ZNF79: variants seen among roughly 807,000 people sequenced by gnomAD.
ZNF79 encodes ZNFpT7.
Under a neutral mutation model 14.9 loss-of-function variants are expected in ZNF79, and 13 were observed. The ratio of observed to expected loss-of-function variants is 0.87; its 90% CI spans 0.57 to 1.38. The LOEUF is 1.38. Ranked by LOEUF, ZNF79 falls within the 40% of genes most tolerant of loss-of-function variation. The pLI, the probability that ZNF79 is intolerant of heterozygous loss-of-function variation, is 0.00. For missense variants in ZNF79, 631 were observed against 630.6 expected (o/e 1.00, Z -0.01); for synonymous variants, 223 against 235.1 (o/e 0.95, Z 0.47).
rs765083551 is a variant in ZNF79 at position 127,444,571 on chromosome 9, G to C, written c.871G>C (p.Ala291Pro). 1.2e-6 allele frequency: 2 copies of C among 1,613,584 alleles called. No individual in the cohort carries two copies. Among genetic ancestry groups the C allele is most frequent in the Non-Finnish European group, 1.7e-6 (2 of 1,179,902 alleles). Reference sequence around the variant, plus strand: ...TGAGAAAGCCTTCAGTGACTGCTCAGCTCTTGTTCAGCATCAGAGAATTCA... The same window carrying C: ...TGAGAAAGCCTTCAGTGACTGCTCACCTCTTGTTCAGCATCAGAGAATTCA... ...ECEKAFSDCS[A>P]LVQHQRIHTG... is the part of the protein sequence containing the mutation. The change falls in exon 5 of 5, where the codon GCT (alanine) becomes CCT (proline). Residue 291 changes from alanine (A) to proline (P), a missense_variant. Transcript: ENST00000342483.
chr9:127,434,584 G>GGT (rs989076928), intron 2 of ZNF79, among the ~76,000 whole-genome samples: 6 of 151,710 alleles, frequency 4.0e-5, no homozygotes, highest in Non-Finnish European at 5.9e-5. Flanking sequence ...AAGAGACAGT[G>GGT]GTGTGTGTGT....
chr9:127,434,332 G>A (rs1293584976), intron 2 of ZNF79, among the ~76,000 whole-genome samples: 1 of 152,076 alleles, frequency 6.6e-6, no homozygotes, highest in East Asian at 1.9e-4. Flanking sequence ...TGGCTCTCCT[G>A]CTGTACTGGG....
At position 127,445,053 on chromosome 9, in the gene ZNF79, T is replaced by G; in HGVS notation, c.1353T>G (p.Gly451=). The G allele has an allele frequency of 6.2e-7, 1 of 1,612,568 alleles. No individual in the cohort carries two copies. The highest frequency in any genetic ancestry group is 8.5e-7 in the Non-Finnish European group (1 of 1,179,668). The change falls in exon 5 of 5, where the codon GGT becomes GGG. Residue 451 remains glycine (G), a synonymous_variant. Transcript: ENST00000342483. Reference sequence around the variant, plus strand: ...AACCTTATGAGTGTAATGAGTGTGGTAAAGCGTTTAACCAGAGCTCATCCC... The same window carrying G: ...AACCTTATGAGTGTAATGAGTGTGGGAAAGCGTTTAACCAGAGCTCATCCC... ...GEKPYECNEC[G]KAFNQSSSLS... is the part of the protein sequence containing the mutation.
intron 1 of ZNF79, 105 bp downstream of exon 1, chr9:127,424,908 C>T: frequency 6.4e-7 from 1 of 1,569,664 alleles, no homozygotes. Flanking sequence ...ATCTCTCCTA[C>T]AGGTAGTTGG....
rs1173043034 is a variant in ZNF79, at chr9:127,424,642, C to G, written c.-146C>G. 7.9e-7 allele frequency: 1 copy of G among 1,271,406 alleles called. No homozygotes were observed. The highest frequency in any genetic ancestry group is 1.5e-5 in the African/African-American group (1 of 67,904). The allele number at this position is 1,271,406 out of a possible 1,614,324, so 78.8% of individuals were successfully genotyped here. On this transcript the variant is annotated 5_prime_UTR_variant, in exon 1 of 5. Transcript: ENST00000342483. ...CGCGACCCAGCACCGCAGGATCAGA[C>G]CGTGCCTCTGCGGGGAGAGGCTGGA...
intron 1 of ZNF79, among the ~76,000 whole-genome samples, chr9:127,427,186 G>A (rs1833771743): frequency 1.3e-5 from 2 of 151,122 alleles, no homozygotes; most frequent in Non-Finnish European, 1.5e-5. Flanking sequence ...GGGAGGCCTA[G>A]GCAAGCAGAT....
At chr9:127,428,753 C>T in intron 1 of ZNF79, 79 bp from the exon 2 acceptor site, 1 of 1,330,792 alleles carries the variant, frequency 7.5e-7, no homozygotes, top group Non-Finnish European at 9.9e-7. Context: ...CTGATACCTG[C>T]TATGTCCCCT....
Position 127,424,679 on chromosome 9 carries a change from C to G in ZNF79, c.-109C>G. 1 of 1,548,704 alleles carries G rather than the reference C, an allele frequency of 6.5e-7. No homozygotes were observed. Among genetic ancestry groups the G allele is most frequent in the South Asian group, 1.1e-5 (1 of 87,240 alleles). On this transcript the variant is annotated 5_prime_UTR_variant, in exon 1 of 5. Transcript: ENST00000342483. ...GGGGAGAGGCTGGAGAGGAAGAGTCCGGCCTGGGAGCCGTCAGAGCAGCCC... is the reference window on the plus strand; with the variant it reads ...GGGGAGAGGCTGGAGAGGAAGAGTCGGGCCTGGGAGCCGTCAGAGCAGCCC...
At chr9:127,427,096 A>G (rs1293105625) in intron 1 of ZNF79, among the ~76,000 whole-genome samples, 2 of 152,002 alleles carry the variant, frequency 1.3e-5, no homozygotes, top group Non-Finnish European at 2.9e-5. Flanking sequence ...GCTTGGAGAA[A>G]TATCTGTTCA....
chr9:127,438,817 G>A (rs1300726940), intron 4 of ZNF79, among the ~76,000 whole-genome samples: 1 of 152,136 alleles, frequency 6.6e-6, no homozygotes, highest in Non-Finnish European at 1.5e-5. Flanking sequence ...TTTAACAAAA[G>A]ACTGTAGCAA....
chr9:127,445,008 T>G lies in ZNF79; in HGVS notation c.1308T>G (p.His436Gln). ...AGAGCTCAGCCCTCATTCGGCATCATATAATCCACACCGGAGAAAAACCTT... is the reference window on the plus strand; with the variant it reads ...AGAGCTCAGCCCTCATTCGGCATCAGATAATCCACACCGGAGAAAAACCTT... ...FSESSALIRH[H>Q]IIHTGEKPYE... The change falls in exon 5 of 5, where the codon CAT becomes CAG. Residue 436 changes from histidine (H) to glutamine (Q), a missense_variant. His to Gln is a conservative substitution (Grantham distance 24, BLOSUM62 0). Coordinates refer to ENST00000342483, the MANE Select transcript of ZNF79 (RefSeq NM_007135.3). 6.2e-7 allele frequency: 1 copy of G among 1,614,164 alleles called. No homozygotes were observed. Among genetic ancestry groups the G allele is most frequent in the Non-Finnish European group, 8.5e-7 (1 of 1,180,036 alleles).
chr9:127,442,942 C>G (rs1834075530), intron 4 of ZNF79, among the ~76,000 whole-genome samples: 1 of 152,078 alleles, frequency 6.6e-6, no homozygotes, highest in African/African-American at 2.4e-5. Context: ...ACACATTAGC[C>G]TAGACCTAAC....
chr9:127,425,218 A>G (rs768600758), intron 1 of ZNF79, among the ~76,000 whole-genome samples: 1 of 152,206 alleles, frequency 6.6e-6, no homozygotes, highest in Non-Finnish European at 1.5e-5. Flanking sequence ...AGGCCAGCCC[A>G]GTAGGATTGT....
chr9:127,442,254 A>G (rs1834062128), intron 4 of ZNF79, among the ~76,000 whole-genome samples: 1 of 151,426 alleles, frequency 6.6e-6, no homozygotes, highest in Admixed American at 6.6e-5. Context: ...TACAAAAATT[A>G]GCCAGGCATG....
At chr9:127,425,675 C>T (rs1223393857) in intron 1 of ZNF79, among the ~76,000 whole-genome samples, 1 of 152,226 alleles carries the variant, frequency 6.6e-6, no homozygotes, top group Non-Finnish European at 1.5e-5. Context: ...TCACTGCAAC[C>T]TCCGCCTCCC....
chr9:127,443,507 AGTTT>A (rs1834087721), intron 4 of ZNF79, among the ~76,000 whole-genome samples: 1 of 152,162 alleles, frequency 6.6e-6, no homozygotes, highest in Non-Finnish European at 1.5e-5. Flanking sequence ...CAGCGCAGTA[AGTTT>A]ATTTACACCA....
Position 127,444,644 on chromosome 9 carries a change from G to T in ZNF79, c.944G>T (p.Arg315Leu). Residue 315 changes from arginine to leucine, a missense_variant, in exon 5 of 5, where the codon CGT becomes CTT. By Grantham distance (102) the Arg-to-Leu change is moderately radical. Transcript: ENST00000342483. The part of the protein sequence containing the change: ...YECSDCGKAF[R>L]HSANLTNHQR... ...TGCAGCGACTGTGGGAAGGCCTTCC[G>T]TCACAGTGCAAACCTCACGAACCAT... The T allele has an allele frequency of 6.2e-7, 1 of 1,614,094 alleles. No homozygotes were observed. The highest frequency in any genetic ancestry group is 1.1e-5 in the South Asian group (1 of 91,090).
rs766356170 is a variant in ZNF79, at chr9:127,435,973, G to A, written c.298G>A (p.Glu100Lys). Reference sequence around the variant, plus strand: ...ACAAAGGGAAGGCGCATGGATGCTGGAGGGCGAAGACCTGCGAAGTCCCTC... The same window carrying A: ...ACAAAGGGAAGGCGCATGGATGCTGAAGGGCGAAGACCTGCGAAGTCCCTC... ...LEQREGAWML[E>K]GEDLRSPSPG... The change falls in exon 4 of 5, where the codon GAG becomes AAG. Residue 100 changes from glutamate (E) to lysine (K), a missense_variant. Transcript: ENST00000342483. 3.2e-5 allele frequency: 52 copies of A among 1,614,134 alleles called. No homozygotes were observed. The highest frequency in any genetic ancestry group is 4.2e-5 in the Non-Finnish European group (49 of 1,180,046).
rs1186290725 is a variant in ZNF79, at chr9:127,431,259, C to CT, written c.105+2353dup. ...TCTGTTGATAGTTTCTTTTTCTTTT[C>CT]TTTTTTTTTTTTTTAGAGACAGAGT... On this transcript the variant is annotated intron_variant, in intron 2 of 4. Coordinates refer to ENST00000342483, the MANE Select transcript of ZNF79 (RefSeq NM_007135.3). Among the ~76,000 whole-genome samples the CT allele has an allele frequency of 2.1e-3, 287 of 138,188 alleles. 1 individual carries two copies. The highest frequency in any genetic ancestry group is 7.6e-3 in the Middle Eastern group (2 of 264). 90.7% of individuals were successfully genotyped at this position (138,188 alleles called of 152,430 possible).
Sources: gnomAD v4.1 joint callset for allele counts (sites outside exome capture counted in the v4.1 genomes callset) on GRCh38, gnomAD v4.1.1 for gene constraint, MANE v1.5 for transcripts, NCBI Gene and HGNC (gene_info 2026-07-23, HGNC 2026-07-21) for gene names.